Variants in RBFOX1 observed in about 807,000 individuals in gnomAD.
The protein encoded by RBFOX1 is RNA binding fox-1 homolog 1, also known as RNA binding protein fox-1 homolog 1.
In RBFOX1, 8 loss-of-function variants were observed where a neutral mutation model predicts 57.7. That is an observed-to-expected ratio of 0.14 (90% CI 0.08 to 0.25). The LOEUF is 0.25. Ranked by LOEUF, RBFOX1 falls within the 10% of genes least tolerant of loss-of-function variation. The pLI, the probability that RBFOX1 is intolerant of heterozygous loss-of-function variation, is 1.00. For synonymous variants in RBFOX1, 326 were observed against 222.4 expected (o/e 1.47, Z -4.15); for missense variants, 611 against 548.5 (o/e 1.11, Z -1.14).
At chr16:6,577,784 C>G (rs2097463077) in intron 2 of RBFOX1, among the ~76,000 whole-genome samples, 1 of 152,156 alleles carries the variant, frequency 6.6e-6, no homozygotes, top group African/African-American at 2.4e-5. Flanking sequence ...GTCACATGGC[C>G]TCCTTTTCCC....
intron 4 of RBFOX1, among the ~76,000 whole-genome samples, chr16:7,446,795 G>GTTTTTTTTTTT (rs1567209049): frequency 1.6e-5 from 2 of 128,138 alleles, no homozygotes; most frequent in African/African-American, 5.9e-5. Flanking sequence ...GGTAGGTCTA[G>GTTTTTTTTTTT]GTATTTTTTT....
chr16:6,783,392 T>G (rs2081361025), intron 3 of RBFOX1, among the ~76,000 whole-genome samples: 2 of 151,460 alleles, frequency 1.3e-5, no homozygotes, highest in Admixed American at 1.3e-4. Context: ...CTTTTAATTT[T>G]TTTGTGTCCC....
intron 13 of RBFOX1, among the ~76,000 whole-genome samples, chr16:7,674,735 A>G (rs2072742591): frequency 6.6e-6 from 1 of 152,224 alleles, no homozygotes; most frequent in Admixed American, 6.5e-5. Context: ...CCAGGTGTAC[A>G]CACCTGCATT....
chr16:5,654,216 G>C (rs775431670), intron 3 of RBFOX1, among the ~76,000 whole-genome samples: 1 of 152,164 alleles, frequency 6.6e-6, no homozygotes, highest in South Asian at 2.1e-4. Context: ...CTTTGAGTCT[G>C]TTTGACATGT....
chr16:6,598,890 G>A (rs904185871), intron 2 of RBFOX1, among the ~76,000 whole-genome samples: 3 of 152,160 alleles, frequency 2.0e-5, no homozygotes, highest in African/African-American at 7.2e-5. Context: ...AAGTTACAGT[G>A]AGCTGAGATT....
intron 3 of RBFOX1, among the ~76,000 whole-genome samples, chr16:5,736,903 C>G (rs1166467177): frequency 6.8e-6 from 1 of 146,766 alleles, no homozygotes; most frequent in Non-Finnish European, 1.5e-5. Flanking sequence ...CTCTCCCCCT[C>G]CGTCTCTCTC....
intron 2 of RBFOX1, among the ~76,000 whole-genome samples, chr16:6,622,115 A>G (rs185929462): frequency 6.6e-6 from 1 of 152,312 alleles, no homozygotes; most frequent in Admixed American, 6.5e-5. Context: ...TTACTGAATT[A>G]TTGGCATATT....
intron 1 of RBFOX1, among the ~76,000 whole-genome samples, chr16:6,036,795 A>G (rs1443828654): frequency 1.3e-5 from 2 of 152,206 alleles, no homozygotes; most frequent in Admixed American, 6.5e-5. Context: ...TAAAGAATAA[A>G]CATTTTTATC....
At chr16:6,761,515 T>TTTTTTTTG (rs2076595525) in intron 3 of RBFOX1, among the ~76,000 whole-genome samples, 1 of 123,232 alleles carries the variant, frequency 8.1e-6, no homozygotes, top group Non-Finnish European at 1.7e-5. Flanking sequence ...TTTTTTTTTT[T>TTTTTTTTG]TTTTTTTTTT....
At chr16:7,002,439 G>A (rs1456521392) in intron 3 of RBFOX1, among the ~76,000 whole-genome samples, 1 of 152,232 alleles carries the variant, frequency 6.6e-6, no homozygotes, top group Non-Finnish European at 1.5e-5. Context: ...TTTTCGCTGG[G>A]CGCGATGGCT....
At chr16:6,800,112 A>C (rs1385673243) in intron 3 of RBFOX1, among the ~76,000 whole-genome samples, 1 of 152,140 alleles carries the variant, frequency 6.6e-6, no homozygotes, top group African/African-American at 2.4e-5. Flanking sequence ...TGTCTTATGC[A>C]GATGTATTAT....
rs577849994 is a variant in RBFOX1 at position 6,178,886 on chromosome 16, G to C, written c.-126-138109G>C. ...CATTTTCTGTCCTAAACAGCCACCA[G>C]CTCCCATAGCTGAATACTCTCATAT... On this transcript the variant is annotated intron_variant, in intron 1 of 15. Coordinates refer to ENST00000550418, the MANE Select transcript of RBFOX1 (RefSeq NM_018723.4). Among the ~76,000 whole-genome samples, 11 of 152,294 alleles carry C rather than the reference G, an allele frequency of 7.2e-5. No individual in the cohort carries two copies. In the South Asian group the frequency reaches 1.4e-3, roughly 20 times the overall value.
chr16:5,604,017 G>A (rs1199674895), downstream of RBFOX1, among the ~76,000 whole-genome samples: 2 of 152,068 alleles, frequency 1.3e-5, no homozygotes, highest in Non-Finnish European at 2.9e-5. Context: ...AATCAATGGT[G>A]CCATTCCCCC....
chr16:7,436,083 C>A (rs1006732654), intron 4 of RBFOX1, among the ~76,000 whole-genome samples: 44 of 152,158 alleles, frequency 2.9e-4, no homozygotes, highest in African/African-American at 8.7e-4. Context: ...ATGCAAACAA[C>A]TCTGTTATGG....
At chr16:6,999,108 A>T (rs1465871163) in intron 3 of RBFOX1, among the ~76,000 whole-genome samples, 1 of 149,614 alleles carries the variant, frequency 6.7e-6, no homozygotes, top group Non-Finnish European at 1.5e-5. Flanking sequence ...ACTTCAGGTG[A>T]TCCGCCCGCC....
At chr16:7,110,854 G>C (rs967441488) in intron 4 of RBFOX1, among the ~76,000 whole-genome samples, 8 of 152,280 alleles carry the variant, frequency 5.3e-5, no homozygotes, top group African/African-American at 1.4e-4. Flanking sequence ...AACTGGTAAA[G>C]AATATGTGTT....
intron 3 of RBFOX1, among the ~76,000 whole-genome samples, chr16:5,839,211 C>G (rs2056550550): frequency 1.3e-5 from 2 of 152,190 alleles, no homozygotes; most frequent in Admixed American, 6.5e-5. Context: ...TTTTGGCTGG[C>G]TCAGACTCCA....
At chr16:7,623,885 C>T (rs927928877) in intron 10 of RBFOX1, among the ~76,000 whole-genome samples, 8 of 152,128 alleles carry the variant, frequency 5.3e-5, no homozygotes, top group Non-Finnish European at 1.2e-4. Flanking sequence ...TTAAGGCCCA[C>T]CCATATGACC....
At chr16:6,946,437 G>C (rs930594162) in intron 3 of RBFOX1, among the ~76,000 whole-genome samples, 3 of 152,170 alleles carry the variant, frequency 2.0e-5, no homozygotes, top group African/African-American at 7.2e-5. Flanking sequence ...ATGAAAATAA[G>C]CTGTTACCCA....
Sources: gnomAD v4.1 joint callset for allele counts (sites outside exome capture counted in the v4.1 genomes callset) on GRCh38, gnomAD v4.1.1 for gene constraint, MANE v1.5 for transcripts, NCBI Gene and HGNC (gene_info 2026-07-23, HGNC 2026-07-21) for gene names.